Variants in SKIC3 observed in about 807,000 individuals in gnomAD.
SKIC3 encodes SKI3 subunit of superkiller complex.
the SKIC3 span, among the ~76,000 whole-genome samples, chr5:95,525,899 A>G: frequency 6.6e-6 from 1 of 152,140 alleles, no homozygotes; most frequent in Admixed American, 6.5e-5. Context: ...ATAAACCCAC[A>G]TGTACCCATC....
At chr5:95,512,407 A>C in the SKIC3 span, 1 of 1,529,994 alleles carries the variant, frequency 6.5e-7, no homozygotes, top group Non-Finnish European at 8.9e-7. Flanking sequence ...ACATGAATTA[A>C]TTTTAAAAAT....
the SKIC3 span, chr5:95,540,743 T>C: frequency 6.2e-7 from 1 of 1,614,128 alleles, no homozygotes; most frequent in Non-Finnish European, 8.5e-7. Flanking sequence ...AGGAACTGAG[T>C]CAATTTTCTC....
the SKIC3 span, among the ~76,000 whole-genome samples, chr5:95,519,982 T>G: frequency 3.4e-4 from 51 of 152,130 alleles, no homozygotes; most frequent in East Asian, 9.3e-3. Flanking sequence ...CATTTCATAT[T>G]TGGTTCATAT....
chr5:95,509,065 C>A, the SKIC3 span, among the ~76,000 whole-genome samples: 2 of 151,900 alleles, frequency 1.3e-5, no homozygotes, highest in Non-Finnish European at 2.9e-5. Flanking sequence ...GCAACAAAAA[C>A]CAAAATATAG....
the SKIC3 span, among the ~76,000 whole-genome samples, chr5:95,497,961 A>G: frequency 1.3e-5 from 2 of 152,196 alleles, no homozygotes; most frequent in Non-Finnish European, 2.9e-5. Flanking sequence ...AAAATAAAAC[A>G]TAATAATTAA....
chr5:95,509,523 C>T, the SKIC3 span: 2 of 1,166,876 alleles, frequency 1.7e-6, no homozygotes, highest in African/African-American at 1.5e-5. Flanking sequence ...ACGCACAGGC[C>T]AGTCAGAGAT....
At chr5:95,497,288 TTAA>T in the SKIC3 span, 1 of 901,780 alleles carries the variant, frequency 1.1e-6, no homozygotes, top group African/African-American at 1.7e-5. Context: ...GAAAATTTAG[TTAA>T]TAACAGAACT....
the SKIC3 span, chr5:95,517,224 T>C: frequency 1.9e-6 from 3 of 1,613,228 alleles, no homozygotes; most frequent in Non-Finnish European, 1.7e-6. Flanking sequence ...TCCTAAAACA[T>C]GAACATTCAC....
At chr5:95,482,898 T>C in the SKIC3 span, among the ~76,000 whole-genome samples, 1 of 152,190 alleles carries the variant, frequency 6.6e-6, no homozygotes, top group Non-Finnish European at 1.5e-5. Context: ...TCTTAAGTGA[T>C]ATCCTGAAAA....
chr5:95,535,307 ATTTTTTTTTTTTT>A, the SKIC3 span, among the ~76,000 whole-genome samples: 2 of 91,802 alleles, frequency 2.2e-5, no homozygotes, highest in South Asian at 3.6e-4. Flanking sequence ...GGTAACAGCA[ATTTTTTTTTTTTT>A]TTTTTTTTTT....
chr5:95,530,338 C>G, the SKIC3 span: 1 of 1,199,640 alleles, frequency 8.3e-7, no homozygotes, highest in Non-Finnish European at 1.2e-6. Context: ...GCATTCTTCA[C>G]CACATGCTGA....
the SKIC3 span, among the ~76,000 whole-genome samples, chr5:95,530,431 C>T: frequency 6.6e-6 from 1 of 152,130 alleles, no homozygotes; most frequent in African/African-American, 2.4e-5. Context: ...TTTTCATCTT[C>T]TTAAATACTG....
At chr5:95,488,040 A>G in the SKIC3 span, among the ~76,000 whole-genome samples, 1 of 152,112 alleles carries the variant, frequency 6.6e-6, no homozygotes, top group Non-Finnish European at 1.5e-5. Flanking sequence ...ATTGAATGAA[A>G]TACAAAATAT....
the SKIC3 span, chr5:95,543,122 A>G: frequency 1.9e-6 from 3 of 1,593,292 alleles, no homozygotes; most frequent in Non-Finnish European, 8.6e-7. Flanking sequence ...TGAAACCTGT[A>G]TTTTGAAAAA....
the SKIC3 span, among the ~76,000 whole-genome samples, chr5:95,531,002 G>A: frequency 2.0e-5 from 3 of 151,654 alleles, no homozygotes; most frequent in African/African-American, 4.8e-5. Flanking sequence ...TAATCACATA[G>A]GAGAATTCTT....
At chr5:95,500,990 T>C in the SKIC3 span, among the ~76,000 whole-genome samples, 1 of 152,236 alleles carries the variant, frequency 6.6e-6, no homozygotes, top group African/African-American at 2.4e-5. Flanking sequence ...ACAGCTTACT[T>C]AAAGTATCTA....
the SKIC3 span, among the ~76,000 whole-genome samples, chr5:95,510,286 T>G: frequency 6.6e-6 from 1 of 152,252 alleles, no homozygotes; most frequent in Non-Finnish European, 1.5e-5. Flanking sequence ...CGTTCATTCC[T>G]GGGCACAGGC....
chr5:95,545,328 C>G, the SKIC3 span, among the ~76,000 whole-genome samples: 1 of 152,078 alleles, frequency 6.6e-6, no homozygotes, highest in Non-Finnish European at 1.5e-5. Context: ...TGGGCTCCAT[C>G]AGTCACCACC....
At chr5:95,525,639 AC>A in the SKIC3 span, 1 of 1,614,098 alleles carries the variant, frequency 6.2e-7, no homozygotes, top group Non-Finnish European at 8.5e-7. Flanking sequence ...GCTTTTGAGA[AC>A]CAAAAGTCCT....
Sources: gnomAD v4.1 joint callset for allele counts (sites outside exome capture counted in the v4.1 genomes callset) on GRCh38, gnomAD v4.1.1 for gene constraint, MANE v1.5 for transcripts, NCBI Gene and HGNC (gene_info 2026-07-23, HGNC 2026-07-21) for gene names.